Variants in ERBIN observed in about 807,000 individuals in gnomAD.
The protein encoded by ERBIN is densin-180-like protein.
A neutral mutation model predicts 158.4 loss-of-function variants in ERBIN; 60 were observed. That is an observed-to-expected ratio of 0.38 (90% CI 0.31 to 0.47). ERBIN has a LOEUF of 0.47. Ranked by LOEUF, ERBIN falls within the 20% of genes least tolerant of loss-of-function variation. The pLI is 0.99. For synonymous variants in ERBIN, 594 were observed against 557.2 expected (o/e 1.07, Z -0.93); for missense variants, 1,610 against 1,648.0 (o/e 0.98, Z 0.40).
intron 1 of ERBIN, among the ~76,000 whole-genome samples, chr5:65,937,407 A>T (rs912024983): frequency 6.6e-6 from 1 of 152,168 alleles, no homozygotes; most frequent in East Asian, 1.9e-4. Context: ...TTTACTTCTG[A>T]AAGTCTGCCT....
intron 4 of ERBIN, among the ~76,000 whole-genome samples, chr5:66,007,426 ATATACC>A (rs70987108): frequency 0.84 from 127,416 of 151,072 alleles, 54,345 homozygotes; most frequent in African/African-American, 0.91. Flanking sequence ...GCGTTAGGAG[ATATACC>A]TATACCTAAT....
chr5:66,077,044 G>T, intron 25 of ERBIN, 95 bp downstream of exon 25: 1 of 910,006 alleles, frequency 1.1e-6, no homozygotes, highest in South Asian at 1.7e-5. Flanking sequence ...AATTGTGGGT[G>T]GGAGGCTGAG....
intron 4 of ERBIN, among the ~76,000 whole-genome samples, 170 bp downstream of exon 4, chr5:65,995,034 T>G (rs1210430807): frequency 6.6e-6 from 1 of 152,236 alleles, no homozygotes; most frequent in Non-Finnish European, 1.5e-5. Context: ...CTTTACAAGT[T>G]TTGCCACCTG....
intron 4 of ERBIN, among the ~76,000 whole-genome samples, chr5:65,995,323 A>ACTCTGC (rs1406818310): frequency 2.5e-4 from 37 of 150,008 alleles, no homozygotes; most frequent in African/African-American, 8.8e-4. Flanking sequence ...CCACCATGCT[A>ACTCTGC]CTCTGCCTCT....
At chr5:66,003,346 G>T (rs142543174) in intron 4 of ERBIN, among the ~76,000 whole-genome samples, 3 of 151,342 alleles carry the variant, frequency 2.0e-5, no homozygotes, top group Admixed American at 2.0e-4. Context: ...CATGAGGGTC[G>T]CAGAAGGTGT....
chr5:65,936,974 T>G (rs943447863), intron 1 of ERBIN, among the ~76,000 whole-genome samples: 3 of 152,206 alleles, frequency 2.0e-5, no homozygotes, highest in African/African-American at 7.2e-5. Context: ...TTATAATACT[T>G]GTGGACATCT....
At position 65,965,376 on chromosome 5, in the gene ERBIN, T is replaced by TTTGTTG. The variant is rs1436182028; in HGVS notation, c.-57-23256_-57-23251dup. Among the ~76,000 whole-genome samples, 8 of 130,540 alleles carry TTTGTTG rather than the reference T, an allele frequency of 6.1e-5. No individual in the cohort carries two copies. The East Asian group carries it at 1.1e-3, about 18-fold the overall frequency. 85.6% of individuals were successfully genotyped at this position (130,540 alleles called of 152,430 possible). ...CAGGCTGTTCTTACCAGATTTGTTTTTTGTTGTTTTTTTTTTTTTTTTTTT... is the reference window on the plus strand; with the variant it reads ...CAGGCTGTTCTTACCAGATTTGTTTTTTGTTGTTGTTGTTTTTTTTTTTTTTTTTTT... On this transcript the variant is annotated intron_variant, in intron 1 of 25. Transcript: ENST00000284037.
chr5:65,928,584 T>C (rs1184777475), intron 1 of ERBIN, among the ~76,000 whole-genome samples: 1 of 152,184 alleles, frequency 6.6e-6, no homozygotes, highest in East Asian at 1.9e-4. Flanking sequence ...AAAATGACTA[T>C]TTAAGCCTCT....
At chr5:66,021,444 T>G in intron 8 of ERBIN, 59 bp downstream of exon 8, 1 of 1,184,344 alleles carries the variant, frequency 8.4e-7, no homozygotes, top group South Asian at 1.4e-5. Flanking sequence ...GAACAAAATA[T>G]GAAAATTAAT....
intron 1 of ERBIN, among the ~76,000 whole-genome samples, chr5:65,952,945 A>G (rs758806926): frequency 1.3e-5 from 2 of 152,230 alleles, no homozygotes; most frequent in Non-Finnish European, 2.9e-5. Context: ...CAATCTTAAA[A>G]AAGAACTTGC....
intron 1 of ERBIN, among the ~76,000 whole-genome samples, chr5:65,928,714 A>G (rs959206081): frequency 6.6e-6 from 1 of 152,114 alleles, no homozygotes; most frequent in African/African-American, 2.4e-5. Context: ...CTCCTCAACA[A>G]GGCATAATTT....
intron 1 of ERBIN, among the ~76,000 whole-genome samples, chr5:65,960,284 A>T (rs772810418): frequency 1.3e-5 from 2 of 152,234 alleles, no homozygotes; most frequent in Non-Finnish European, 2.9e-5. Context: ...TATGAAGTGC[A>T]GAAATGAGGC....
At chr5:65,942,283 G>C (rs1307311007) in intron 1 of ERBIN, among the ~76,000 whole-genome samples, 1 of 152,182 alleles carries the variant, frequency 6.6e-6, no homozygotes, top group Non-Finnish European at 1.5e-5. Flanking sequence ...CAAGTTTCCT[G>C]ACTCTGTTGG....
At chr5:65,934,008 T>TG in intron 1 of ERBIN, among the ~76,000 whole-genome samples, 1 of 152,248 alleles carries the variant, frequency 6.6e-6, no homozygotes, top group East Asian at 1.9e-4. Context: ...CCAGTTCTCC[T>TG]GCCTCAGCCT....
intron 4 of ERBIN, among the ~76,000 whole-genome samples, chr5:65,999,612 C>A (rs183067207): frequency 2.0e-5 from 3 of 152,128 alleles, no homozygotes; most frequent in Non-Finnish European, 4.4e-5. Context: ...TCATGTACAG[C>A]ATTTAGTTGT....
chr5:65,984,817 C>A (rs896682106), intron 1 of ERBIN: 7 of 151,276 alleles, frequency 4.6e-5, no homozygotes, highest in Non-Finnish European at 8.8e-5. Flanking sequence ...GTTAATTAAG[C>A]TTTATTGCTC....
At chr5:66,036,417 G>T in intron 14 of ERBIN, among the ~76,000 whole-genome samples, 1 of 152,106 alleles carries the variant, frequency 6.6e-6, no homozygotes, top group East Asian at 1.9e-4. Context: ...CTCTAAATCA[G>T]TTCTGCTTTC....
intron 21 of ERBIN, among the ~76,000 whole-genome samples, chr5:66,060,952 G>A (rs1273993199): frequency 6.6e-6 from 1 of 152,176 alleles, no homozygotes; most frequent in Non-Finnish European, 1.5e-5. Flanking sequence ...AGGAGTGCTT[G>A]CTTTACTTCC....
At position 66,026,327 on chromosome 5, in the gene ERBIN, T is replaced by C. The variant is rs765278396; in HGVS notation, c.1046T>C (p.Val349Ala). ...ATTGGAAGCTGGAAAAATATAACTG[T>C]GCTGTTTCTCCATTCCAATAAACTT... ...PEIGSWKNIT[V>A]LFLHSNKLET... The change falls in exon 13 of 26, where the codon GTG (valine) becomes GCG (alanine). Residue 349 changes from valine to alanine, a missense_variant. Val to Ala is a moderately conservative substitution (Grantham distance 64, BLOSUM62 0). Around this residue, in one of 2 missense-constraint regions of ERBIN, gnomAD observed 596 missense variants for 711.9 expected, o/e 0.84. Coordinates refer to ENST00000284037, the MANE Select transcript of ERBIN (RefSeq NM_001253697.2). The C allele has an allele frequency of 1.9e-6, 3 of 1,593,072 alleles. No individual in the cohort carries two copies. The highest frequency in any genetic ancestry group is 2.6e-6 in the Non-Finnish European group (3 of 1,171,796).
Sources: gnomAD v4.1 joint callset for allele counts (sites outside exome capture counted in the v4.1 genomes callset) on GRCh38, gnomAD v4.1.1 for gene constraint, gnomAD v4.1.1 regional missense constraint, MANE v1.5 for transcripts, NCBI Gene and HGNC (gene_info 2026-07-23, HGNC 2026-07-21) for gene names.